The following CTNNA2 variants were observed in gnomAD, a reference collection of about 807,000 sequenced individuals.
The protein encoded by CTNNA2 is catenin alpha 2.
In CTNNA2, 42 loss-of-function variants were observed where a neutral mutation model predicts 101.0. That is an observed-to-expected ratio of 0.42 (90% CI 0.32 to 0.54). CTNNA2 has a LOEUF of 0.54. Among genes scored for constraint, CTNNA2 ranks in the 20% least tolerant of loss-of-function variants. The pLI is 0.14. For missense variants in CTNNA2, 871 were observed against 1,223.1 expected (o/e 0.71, Z 4.29); for synonymous variants, 450 against 456.4 (o/e 0.99, Z 0.18).
At chr2:79,669,004 G>A (rs1449027894) in intron 2 of CTNNA2, among the ~76,000 whole-genome samples, 2 of 152,238 alleles carry the variant, frequency 1.3e-5, no homozygotes, top group Admixed American at 1.3e-4. Flanking sequence ...AATCCCAGCA[G>A]GCTGGGTGAG....
chr2:80,182,783 G>T (rs1234009167), intron 7 of CTNNA2, among the ~76,000 whole-genome samples: 1 of 152,160 alleles, frequency 6.6e-6, no homozygotes, highest in Non-Finnish European at 1.5e-5. Flanking sequence ...GAGGTTTCCA[G>T]GCAGAAGCAG....
At chr2:80,090,393 C>A (rs999450805) in intron 7 of CTNNA2, among the ~76,000 whole-genome samples, 2 of 152,010 alleles carry the variant, frequency 1.3e-5, no homozygotes, top group African/African-American at 4.8e-5. Context: ...CAAGCACCAT[C>A]AAAGGAATAC....
rs547323705 is a variant in CTNNA2 at position 80,538,825 on chromosome 2, A to T, written c.1291-6157A>T. 1.6e-4 allele frequency among the ~76,000 whole-genome samples: 24 copies of T among 152,242 alleles called. 1 individual carries two copies. The South Asian group carries it at 4.6e-3, about 29-fold the overall frequency. Reference sequence around the variant, plus strand: ...ATAAGTTACTTTGGGCAGTATGGCAATTTTCACGATACTGATTCTTCCTGT... The same window carrying T: ...ATAAGTTACTTTGGGCAGTATGGCATTTTTCACGATACTGATTCTTCCTGT... On this transcript the variant is annotated intron_variant, in intron 9 of 18. Transcript: ENST00000402739.
chr2:80,500,647 A>G (rs988567390), intron 9 of CTNNA2, among the ~76,000 whole-genome samples: 4 of 152,108 alleles, frequency 2.6e-5, no homozygotes, highest in Admixed American at 6.6e-5. Flanking sequence ...GCTTTTTGCA[A>G]TTGTGCCTTA....
intron 9 of CTNNA2, among the ~76,000 whole-genome samples, chr2:80,469,622 C>T (rs145178870): frequency 3.3e-5 from 5 of 152,182 alleles, no homozygotes; most frequent in South Asian, 2.1e-4. Context: ...TCTAGGTGCC[C>T]CTGAGATTGG....
intron 7 of CTNNA2, among the ~76,000 whole-genome samples, chr2:80,066,731 C>A (rs1381815016): frequency 6.6e-6 from 1 of 152,176 alleles, no homozygotes; most frequent in Non-Finnish European, 1.5e-5. Context: ...AATGCCACTA[C>A]TAGCTGTATA....
intron 7 of CTNNA2, among the ~76,000 whole-genome samples, chr2:80,170,227 CTCTCTGTGTG>C (rs1455599030): frequency 8.7e-5 from 13 of 149,496 alleles, no homozygotes; most frequent in African/African-American, 3.3e-4. Flanking sequence ...CTCTCTCTCT[CTCTCTGTGTG>C]TGTGTGTGTG....
chr2:79,709,751 A>G (rs2104802582), intron 2 of CTNNA2, among the ~76,000 whole-genome samples: 1 of 152,230 alleles, frequency 6.6e-6, no homozygotes, highest in South Asian at 2.1e-4. Flanking sequence ...GGTAATGGAG[A>G]AATAGGATGG....
chr2:79,835,186 T>G (rs1679228933), intron 3 of CTNNA2, among the ~76,000 whole-genome samples: 2 of 152,298 alleles, frequency 1.3e-5, no homozygotes, highest in South Asian at 4.1e-4. Flanking sequence ...TATCATCACC[T>G]AAAGAGCTTT....
rs1682307520 is a variant in CTNNA2 at position 80,438,930 on chromosome 2, A to G, written c.1290+19329A>G. Among the ~76,000 whole-genome samples the G allele has an allele frequency of 2.0e-5, 3 of 152,228 alleles. No homozygotes were observed. In the South Asian group the frequency reaches 6.2e-4, roughly 31 times the overall value. On this transcript the variant is annotated intron_variant, in intron 9 of 18. Coordinates refer to ENST00000402739, the MANE Select transcript of CTNNA2 (RefSeq NM_001282597.3). ...ACCACTCCTTTTTATGCTCTGTCTG[A>G]GAAATTTCATTTCCTAGCCTGAGCA... is the stretch of plus-strand genomic sequence containing the variant.
chr2:80,563,512 A>T lies in CTNNA2; in HGVS notation c.1741+7619A>T, dbSNP rs141516650. Among the ~76,000 whole-genome samples, 4 of 152,338 alleles carry T rather than the reference A, an allele frequency of 2.6e-5. No homozygotes were observed. The East Asian group carries it at 7.7e-4, about 29-fold the overall frequency. ...AACAACAGAAGTACTGTATATGGCC[A>T]GAGTAGTCTCCAGATGACCTCCTTG... On this transcript the variant is annotated intron_variant, in intron 12 of 18. Transcript: ENST00000402739.
At chr2:79,960,114 C>A (rs1160902719) in intron 7 of CTNNA2, among the ~76,000 whole-genome samples, 1 of 152,092 alleles carries the variant, frequency 6.6e-6, no homozygotes, top group African/African-American at 2.4e-5. Context: ...TATTTAGCAT[C>A]TTCATAGCTA....
rs181613576 is a variant in CTNNA2 at position 79,858,612 on chromosome 2, T to G, written c.465+433T>G. Reference sequence around the variant, plus strand: ...TAGTGTGGATTACATGTTGAATATATTTTGCTATCTACTCTAGCCTTGCTC... The same window carrying G: ...TAGTGTGGATTACATGTTGAATATAGTTTGCTATCTACTCTAGCCTTGCTC... On this transcript the variant is annotated intron_variant, in intron 4 of 18. Coordinates refer to ENST00000402739, the MANE Select transcript of CTNNA2 (RefSeq NM_001282597.3). 2.1e-3 allele frequency among the ~76,000 whole-genome samples: 325 copies of G among 152,262 alleles called. 1 individual carries two copies. The highest frequency in any genetic ancestry group is 7.4e-3 in the African/African-American group (307 of 41,544).
At chr2:79,643,476 C>T (rs1407780675) in intron 1 of CTNNA2, among the ~76,000 whole-genome samples, 1 of 152,126 alleles carries the variant, frequency 6.6e-6, no homozygotes, top group Non-Finnish European at 1.5e-5. Context: ...CAATCAGAAA[C>T]TCTTGGGGTG....
chr2:80,090,941 G>A (rs949674032), intron 7 of CTNNA2, among the ~76,000 whole-genome samples: 9 of 152,038 alleles, frequency 5.9e-5, no homozygotes, highest in African/African-American at 1.9e-4. Flanking sequence ...GTCACGAGAA[G>A]AATTATCAGC....
intron 7 of CTNNA2, among the ~76,000 whole-genome samples, chr2:80,375,384 T>G (rs1292817041): frequency 6.6e-6 from 1 of 151,976 alleles, no homozygotes; most frequent in African/African-American, 2.4e-5. Context: ...TTTGTTTACA[T>G]GTAGGTTGTG....
intron 2 of CTNNA2, among the ~76,000 whole-genome samples, chr2:79,679,804 G>A (rs1208543576): frequency 1.3e-5 from 2 of 152,038 alleles, no homozygotes; most frequent in African/African-American, 4.8e-5. Context: ...CTTATTCTGG[G>A]TAAGGTCTCT....
chr2:79,467,674 A>G (rs192360913), intron 4 of CTNNA2, among the ~76,000 whole-genome samples: 175 of 152,342 alleles, frequency 1.1e-3, no homozygotes, highest in African/African-American at 3.9e-3. Context: ...CTAAGAGCGG[A>G]TCTCTCAGCA....
intron 2 of CTNNA2, among the ~76,000 whole-genome samples, chr2:79,232,238 C>A (rs1042964903): frequency 6.6e-6 from 1 of 152,018 alleles, no homozygotes. Context: ...TTCTTCAATG[C>A]CTAATTGATT....
Sources: allele counts gnomAD v4.1 joint callset (sites outside exome capture counted in the v4.1 genomes callset), GRCh38; gene constraint gnomAD v4.1.1; transcripts MANE v1.5; gene names NCBI Gene and HGNC (gene_info 2026-07-23, HGNC 2026-07-21).